The following NUP188 variants were observed in gnomAD, a reference collection of about 807,000 sequenced individuals.
NUP188 encodes nucleoporin NUP188.
NUP188 carries 97 observed loss-of-function variants against 223.0 expected under a neutral mutation model. That is an observed-to-expected ratio of 0.43 (90% CI 0.37 to 0.51). The LOEUF (loss-of-function observed/expected upper bound fraction) is 0.51, where lower values mean the gene tolerates loss of function less well. Among genes scored for constraint, NUP188 ranks in the 20% least tolerant of loss-of-function variants. The probability of loss-of-function intolerance (pLI) is 0.00; values close to 1 mark genes in which losing one functional copy is unlikely to be tolerated. For missense variants in NUP188, 1,947 were observed against 2,175.6 expected (o/e 0.89, Z 2.09); for synonymous variants, 869 against 828.0 (o/e 1.05, Z -0.85).
At chr9:128,996,306 C>T (rs774915847) in intron 30 of NUP188, among the ~76,000 whole-genome samples, 23 of 152,164 alleles carry the variant, frequency 1.5e-4, no homozygotes, top group African/African-American at 4.1e-4. Context: ...CCTGCCACCA[C>T]GCCCAGCTAA....
chr9:128,951,466 A>G (rs1841784347), intron 2 of NUP188, among the ~76,000 whole-genome samples: 2 of 152,098 alleles, frequency 1.3e-5, no homozygotes. Flanking sequence ...GTGACAGAAC[A>G]GGACCCTGTC....
At chr9:128,966,260 CTGTGTG>C (rs10616823) in intron 8 of NUP188, among the ~76,000 whole-genome samples, 2,213 of 139,608 alleles carry the variant, frequency 0.016, 38 homozygotes, top group African/African-American at 0.041. Flanking sequence ...GTCTCTGTGT[CTGTGTG>C]TGTGTGTGTG....
At position 128,954,241 on chromosome 9, in the gene NUP188, G is replaced by T. The variant is rs150461485; in HGVS notation, c.161+1395G>T. Reference sequence around the variant, plus strand: ...CTTAGTCTTTTTTTTTTGAGATGGAGTCTCGCTTTGTGGCCCAGGCTGGAG... The same window carrying T: ...CTTAGTCTTTTTTTTTTGAGATGGATTCTCGCTTTGTGGCCCAGGCTGGAG... On this transcript the variant is annotated intron_variant, in intron 3 of 43. Coordinates refer to ENST00000372577, the MANE Select transcript of NUP188 (RefSeq NM_015354.3). Among the ~76,000 whole-genome samples the T allele has an allele frequency of 6.6e-3, 994 of 151,332 alleles. 5 individuals carry two copies. The highest frequency in any genetic ancestry group is 0.014 in the Admixed American group (205 of 15,174).
At chr9:128,981,527 C>T in intron 15 of NUP188, 137 bp downstream of exon 15, 1 of 836,408 alleles carries the variant, frequency 1.2e-6, no homozygotes, top group Non-Finnish European at 1.9e-6. Context: ...ATTCTCCCAC[C>T]TTAGCCTCCC....
intron 8 of NUP188, among the ~76,000 whole-genome samples, chr9:128,961,681 G>A (rs1254801186): frequency 6.7e-6 from 1 of 150,316 alleles, no homozygotes; most frequent in Non-Finnish European, 1.5e-5. Flanking sequence ...GAGTTCGATG[G>A]CGTGATCTTG....
rs1232320353 is a variant in NUP188, at chr9:129,005,343, G to A, written c.4550G>A (p.Arg1517Gln). The change falls in exon 40 of 44, where the codon CGA becomes CAA. Residue 1517 changes from arginine (R) to glutamine (Q), a missense_variant. Transcript: ENST00000372577. Reference sequence around the variant, plus strand: ...GGCCTCCCCTCAGCTGTTGCCCAGCGAGTCCAGAGGCCACCGTCTGCTGCT... The same window carrying A: ...GGCCTCCCCTCAGCTGTTGCCCAGCAAGTCCAGAGGCCACCGTCTGCTGCT... ...GDGLPSAVAQ[R>Q]VQRPPSAASA... 7 of 1,614,014 alleles carry A rather than the reference G, an allele frequency of 4.3e-6. No homozygotes were observed. The highest frequency in any genetic ancestry group is 1.7e-4 in the Middle Eastern group (1 of 6,060).
At chr9:128,957,610 G>A (rs974324546) in intron 5 of NUP188, among the ~76,000 whole-genome samples, 3 of 152,050 alleles carry the variant, frequency 2.0e-5, no homozygotes, top group African/African-American at 2.4e-5. Context: ...GACTATAGGC[G>A]CCTGCCACCA....
chr9:128,973,383 A>G (rs1451888261), intron 12 of NUP188, 134 bp downstream of exon 12: 4 of 614,734 alleles, frequency 6.5e-6, no homozygotes, highest in Non-Finnish European at 1.1e-5. Flanking sequence ...TTTTTTATTT[A>G]CTTTTTTCTT....
At chr9:128,981,852 C>T (rs564567642) in intron 15 of NUP188, among the ~76,000 whole-genome samples, 3 of 152,142 alleles carry the variant, frequency 2.0e-5, no homozygotes, top group South Asian at 2.1e-4. Context: ...CCAAGGTGGG[C>T]GGATCACGTG....
chr9:128,979,689 A>G (rs1230127679), intron 13 of NUP188, among the ~76,000 whole-genome samples: 3 of 151,904 alleles, frequency 2.0e-5, no homozygotes, highest in Non-Finnish European at 4.4e-5. Context: ...CTGGAGTGCA[A>G]TGGCGCGATC....
intron 25 of NUP188, among the ~76,000 whole-genome samples, chr9:128,992,360 T>C (rs1842448313): frequency 1.3e-5 from 2 of 152,086 alleles, no homozygotes; most frequent in Non-Finnish European, 2.9e-5. Context: ...ACCCAGCTGA[T>C]TTTTTTGTAT....
chr9:128,994,299 AG>A (rs1335206434), intron 27 of NUP188, 73 bp from the exon 28 acceptor site: 39 of 983,526 alleles, frequency 4.0e-5, no homozygotes, highest in Non-Finnish European at 5.4e-5. Flanking sequence ...TGACCACCAA[AG>A]GGAGCTTGAG....
chr9:128,962,820 A>G (rs1446907922), intron 8 of NUP188, among the ~76,000 whole-genome samples: 1 of 152,238 alleles, frequency 6.6e-6, no homozygotes, highest in Non-Finnish European at 1.5e-5. Context: ...AAAAATTTAC[A>G]AAGTACATAT....
chr9:128,979,457 C>G lies in NUP188; in HGVS notation c.1269+130C>G. 3 of 572,030 alleles carry G rather than the reference C, an allele frequency of 5.2e-6. No homozygotes were observed. In the South Asian group the frequency reaches 5.9e-5, roughly 11 times the overall value. The allele number at this position is 572,030 out of a possible 1,614,324, so 35.4% of individuals were successfully genotyped here. A position where few individuals can be genotyped will look rare whatever the true frequency, so the allele number is the denominator to read the frequency against. ...TTCATAAAAACGTATGAAGTAGATA[C>G]TATTACTGTCCCTCTTTTAATGTGA... On this transcript the variant is annotated intron_variant, in intron 13 of 43. Transcript: ENST00000372577.
Position 128,947,922 on chromosome 9 carries a change from G to T in NUP188, c.32+171G>T, listed in dbSNP as rs1449462577. The T allele has an allele frequency of 6.0e-6, 3 of 498,794 alleles. No homozygotes were observed. In the African/African-American group the frequency reaches 6.0e-5, roughly 10 times the overall value. 30.9% of individuals were successfully genotyped at this position (498,794 alleles called of 1,614,324 possible). On this transcript the variant is annotated intron_variant, in intron 1 of 43. Coordinates refer to ENST00000372577, the MANE Select transcript of NUP188 (RefSeq NM_015354.3). ...TTACGTCCAAACGGTCCCCGCGCGC[G>T]GGGATCTGAAGAGTCTTCTTCAGGA...
Position 128,985,016 on chromosome 9 carries a change from TACAGTCTGATTTTGTTCACAA to T in NUP188, c.2076+4_2076+24del. The T allele has an allele frequency of 6.2e-7, 1 of 1,603,512 alleles. No individual in the cohort carries two copies. The highest frequency in any genetic ancestry group is 8.5e-7 in the Non-Finnish European group (1 of 1,171,192). On this transcript the variant is annotated splice_donor_5th_base_variant and intron_variant, in intron 20 of 43. Transcript: ENST00000372577. ...CGCTTGATCACCACCCTTGTCAAGG[TACAGTCTGATTTTGTTCACAA>T]AGGGCAGAAAAAGAAAAGGTCCAGT...
At chr9:128,960,725 A>G (rs1841936206) in intron 8 of NUP188, among the ~76,000 whole-genome samples, 1 of 152,084 alleles carries the variant, frequency 6.6e-6, no homozygotes, top group South Asian at 2.1e-4. Context: ...CAAGGCAGGC[A>G]GATTACTTTA....
chr9:128,974,006 G>T (rs1255483869), intron 12 of NUP188, among the ~76,000 whole-genome samples: 1 of 152,084 alleles, frequency 6.6e-6, no homozygotes, highest in South Asian at 2.1e-4. Flanking sequence ...TGCCTCCTGG[G>T]TTCAAGCGAT....
chr9:129,005,449 T>C lies in NUP188; in HGVS notation c.4656T>C (p.Tyr1552=), dbSNP rs1842770984. The C allele has an allele frequency of 6.2e-7, 1 of 1,607,760 alleles. No individual in the cohort carries two copies. The highest frequency in any genetic ancestry group is 8.5e-7 in the Non-Finnish European group (1 of 1,180,008). The change falls in exon 40 of 44, where the codon TAT becomes TAC. Residue 1552 remains tyrosine (Y), a synonymous_variant. Coordinates refer to ENST00000372577, the MANE Select transcript of NUP188 (RefSeq NM_015354.3). The part of the protein sequence containing the change: ...SEQQALHTVQ[Y]GLLKILSKTL... Reference sequence around the variant, plus strand: ...AGCAGGCCTTGCACACAGTCCAGTATGGCCTTCTCAAGATCCTCAGCAAGA... The same window carrying C: ...AGCAGGCCTTGCACACAGTCCAGTACGGCCTTCTCAAGATCCTCAGCAAGA...
Sources: allele counts gnomAD v4.1 joint callset (sites outside exome capture counted in the v4.1 genomes callset), GRCh38; gene constraint gnomAD v4.1.1; transcripts MANE v1.5; gene names NCBI Gene and HGNC (gene_info 2026-07-23, HGNC 2026-07-21).